CTNND2: variants seen among roughly 807,000 people sequenced by gnomAD.
The protein encoded by CTNND2 is catenin delta-2.
In CTNND2, 22 loss-of-function variants were observed where a neutral mutation model predicts 144.4. The ratio of observed to expected loss-of-function variants is 0.15; its 90% confidence interval spans 0.11 to 0.22. The LOEUF (loss-of-function observed/expected upper bound fraction) is 0.22. Ranked by LOEUF, CTNND2 falls within the 10% of genes least tolerant of loss-of-function variation. The probability of loss-of-function intolerance (pLI) is 1.00; values close to 1 mark genes in which losing one functional copy is unlikely to be tolerated. For synonymous variants in CTNND2, 751 were observed against 695.6 expected (o/e 1.08, Z -1.25); for missense variants, 1,353 against 1,618.8 (o/e 0.84, Z 2.82).
intron 1 of CTNND2, among the ~76,000 whole-genome samples, chr5:11,796,256 G>A (rs999262401): frequency 6.6e-6 from 1 of 152,200 alleles, no homozygotes; most frequent in Non-Finnish European, 1.5e-5. Flanking sequence ...CATGTTCACA[G>A]GTTCCAGGGA....
chr5:11,876,976 T>C (rs888452112), intron 1 of CTNND2, among the ~76,000 whole-genome samples: 2 of 152,166 alleles, frequency 1.3e-5, no homozygotes, highest in South Asian at 2.1e-4. Context: ...CTGCACATAG[T>C]TTTAAGCTTT....
At chr5:11,544,217 C>T (rs1775015642) in intron 3 of CTNND2, among the ~76,000 whole-genome samples, 1 of 151,204 alleles carries the variant, frequency 6.6e-6, no homozygotes, top group South Asian at 2.1e-4. Flanking sequence ...CTCTGTCTCC[C>T]AGGCTGGAGT....
intron 1 of CTNND2, among the ~76,000 whole-genome samples, chr5:11,786,624 G>C (rs1442336688): frequency 6.6e-6 from 1 of 152,158 alleles, no homozygotes; most frequent in African/African-American, 2.4e-5. Context: ...ACCTATGCTA[G>C]GATAATTAAA....
chr5:11,610,839 C>T (rs1780284963), intron 2 of CTNND2, among the ~76,000 whole-genome samples: 1 of 152,116 alleles, frequency 6.6e-6, no homozygotes, highest in Admixed American at 6.5e-5. Context: ...ATATTTTTTA[C>T]AAGTGATCAA....
chr5:11,570,754 A>G (rs1390212705), intron 2 of CTNND2, among the ~76,000 whole-genome samples: 1 of 151,170 alleles, frequency 6.6e-6, no homozygotes, highest in Non-Finnish European at 1.5e-5. Context: ...ATATTTTGTG[A>G]TCTATTTATT....
intron 16 of CTNND2, among the ~76,000 whole-genome samples, chr5:11,040,249 A>C (rs1452978678): frequency 1.4e-5 from 2 of 146,448 alleles, no homozygotes; most frequent in Non-Finnish European, 2.9e-5. Flanking sequence ...CAGTCTCAAA[A>C]AAACAAAAAC....
chr5:11,309,937 C>T (rs780461409), intron 9 of CTNND2, among the ~76,000 whole-genome samples: 1 of 152,112 alleles, frequency 6.6e-6, no homozygotes. Context: ...GATGTGCCTG[C>T]TTCCCCTCTG....
At chr5:11,275,109 G>T (rs1367910983) in intron 9 of CTNND2, among the ~76,000 whole-genome samples, 2 of 152,036 alleles carry the variant, frequency 1.3e-5, no homozygotes, top group African/African-American at 4.8e-5. Context: ...TCCTCAATAG[G>T]CCTTGCAAAG....
intron 9 of CTNND2, among the ~76,000 whole-genome samples, chr5:11,270,489 C>T (rs1745887733): frequency 6.6e-6 from 1 of 150,858 alleles, no homozygotes; most frequent in African/African-American, 2.4e-5. Flanking sequence ...AAAAAAAAAT[C>T]CATTCACTGT....
At chr5:11,205,190 T>A (rs1000316413) in intron 10 of CTNND2, among the ~76,000 whole-genome samples, 1 of 152,174 alleles carries the variant, frequency 6.6e-6, no homozygotes, top group Admixed American at 6.5e-5. Context: ...TATATATATA[T>A]GTATAGCATA....
At chr5:11,539,274 C>T (rs1222366935) in intron 3 of CTNND2, among the ~76,000 whole-genome samples, 1 of 152,088 alleles carries the variant, frequency 6.6e-6, no homozygotes, top group Non-Finnish European at 1.5e-5. Context: ...ATCTGAATTC[C>T]GGGTGACTGA....
intron 2 of CTNND2, among the ~76,000 whole-genome samples, chr5:11,682,196 T>A (rs1784447810): frequency 6.6e-6 from 1 of 152,226 alleles, no homozygotes; most frequent in Non-Finnish European, 1.5e-5. Context: ...CACAGTTTCA[T>A]ATGCTCTTCC....
chr5:11,125,229 T>C (rs1754559405), intron 12 of CTNND2, among the ~76,000 whole-genome samples: 1 of 152,116 alleles, frequency 6.6e-6, no homozygotes, highest in Non-Finnish European at 1.5e-5. Flanking sequence ...ACAGCCTCTC[T>C]CTCTAGGTGC....
intron 5 of CTNND2, among the ~76,000 whole-genome samples, chr5:11,402,233 A>G (rs1760706099): frequency 6.6e-6 from 1 of 152,132 alleles, no homozygotes; most frequent in Admixed American, 6.5e-5. Flanking sequence ...TCTTTTTTCC[A>G]TCAACCTCAA....
intron 2 of CTNND2, among the ~76,000 whole-genome samples, chr5:11,639,233 G>C (rs2727574): frequency 6.6e-6 from 1 of 152,104 alleles, no homozygotes; most frequent in African/African-American, 2.4e-5. Flanking sequence ...CAAGGAATTC[G>C]CAAGTCCACA....
chr5:11,784,388 T>A (rs1479727123), intron 1 of CTNND2, among the ~76,000 whole-genome samples: 2 of 152,210 alleles, frequency 1.3e-5, no homozygotes, highest in South Asian at 2.1e-4. Flanking sequence ...CAGTGGTAAC[T>A]GATTTTAGGA....
intron 16 of CTNND2, among the ~76,000 whole-genome samples, chr5:11,044,169 G>T (rs569661134): frequency 2.6e-5 from 4 of 152,202 alleles, no homozygotes; most frequent in African/African-American, 9.6e-5. Context: ...CTTTCCCTTG[G>T]TAAGAATGAC....
At chr5:11,634,148 T>C (rs920128399) in intron 2 of CTNND2, among the ~76,000 whole-genome samples, 2 of 152,190 alleles carry the variant, frequency 1.3e-5, no homozygotes, top group Non-Finnish European at 2.9e-5. Context: ...AAGTCTTCTC[T>C]ACATTCAACC....
intron 1 of CTNND2, among the ~76,000 whole-genome samples, chr5:11,798,561 G>C (rs1439998195): frequency 6.6e-6 from 1 of 152,196 alleles, no homozygotes; most frequent in East Asian, 1.9e-4. Flanking sequence ...GAGGTCAGGA[G>C]ATTGAGACCA....
Sources: allele counts gnomAD v4.1 joint callset (sites outside exome capture counted in the v4.1 genomes callset), GRCh38; gene constraint gnomAD v4.1.1; transcripts MANE v1.5; gene names NCBI Gene and HGNC (gene_info 2026-07-23, HGNC 2026-07-21).